Variants in IL1RAPL1 observed in about 807,000 individuals in gnomAD.
IL1RAPL1 encodes interleukin-1 receptor accessory protein-like 1.
Under a neutral mutation model 48.4 loss-of-function variants are expected in IL1RAPL1, and 3 were observed. The ratio of observed to expected loss-of-function variants is 0.06; its 90% CI spans 0.03 to 0.16. The LOEUF (loss-of-function observed/expected upper bound fraction) is 0.16, where lower values mean the gene tolerates loss of function less well. Ranked by LOEUF, IL1RAPL1 falls within the 10% of genes least tolerant of loss-of-function variation. The probability of loss-of-function intolerance (pLI) is 1.00; values close to 1 mark genes in which losing one functional copy is unlikely to be tolerated. For missense variants in IL1RAPL1, 349 were observed against 530.6 expected, an observed-to-expected ratio of 0.66 and a Z score of 3.36; for synonymous variants, 185 against 187.7, an observed-to-expected ratio of 0.99 and a Z score of 0.12.
chrX:29,586,677 A>G (rs922583300), intron 5 of IL1RAPL1, among the ~76,000 whole-genome samples: 1 of 111,062 alleles, frequency 9.0e-6, no homozygotes, highest in Non-Finnish European at 1.9e-5. Flanking sequence ...ATGAACACGG[A>G]TATCTATTTG....
chrX:29,344,010 ATTTATCAGCACACTCTGTATGAAGATAT>A (rs1489378750), intron 3 of IL1RAPL1, among the ~76,000 whole-genome samples: 3 of 112,409 alleles, frequency 2.7e-5, no homozygotes, highest in Non-Finnish European at 5.6e-5. Flanking sequence ...GAAAATTGAC[ATTTATCAGCACACTCTGTATGAAGATAT>A]TTTCAAAGCT....
intron 2 of IL1RAPL1, among the ~76,000 whole-genome samples, chrX:28,968,674 G>A (rs1924980731): frequency 8.9e-6 from 1 of 112,479 alleles, no homozygotes; most frequent in African/African-American, 3.2e-5. Context: ...TAATAAATAT[G>A]GAAGCAATGC....
At chrX:29,026,135 G>T (rs962056818) in intron 2 of IL1RAPL1, among the ~76,000 whole-genome samples, 2 of 111,820 alleles carry the variant, frequency 1.8e-5, no homozygotes, top group African/African-American at 3.3e-5. Context: ...ATCTCATCAG[G>T]ACCTAGTATC....
chrX:29,578,851 A>G lies in IL1RAPL1; in HGVS notation c.704-89579A>G, dbSNP rs774706843. Among the ~76,000 whole-genome samples, 12 of 112,112 alleles carry G rather than the reference A, an allele frequency of 1.1e-4. No individual in the cohort carries two copies. The Middle Eastern group carries it at 0.014, about 131-fold the overall frequency. On this transcript the variant is annotated intron_variant, in intron 5 of 10. Coordinates refer to ENST00000378993, the MANE Select transcript of IL1RAPL1 (RefSeq NM_014271.4). Reference sequence around the variant, plus strand: ...GTAGTAAACTACCTCAGAACAAACAATAATTATTTTGTAGCTTAAAACAAC... The same window carrying G: ...GTAGTAAACTACCTCAGAACAAACAGTAATTATTTTGTAGCTTAAAACAAC...
In IL1RAPL1 at chrX:29,050,578, C is replaced by G. The variant is rs767619330; in HGVS notation, c.83-232360C>G. ...GAAGCAGGAATGATCATTTTACTTA[C>G]CTCATATGGCAATGCTTAGCACAGT... On this transcript the variant is annotated intron_variant, in intron 2 of 10. Coordinates refer to ENST00000378993, the MANE Select transcript of IL1RAPL1 (RefSeq NM_014271.4). Among the ~76,000 whole-genome samples, 91 of 112,401 alleles carry G rather than the reference C, an allele frequency of 8.1e-4. 1 individual carries two copies. The highest frequency in any genetic ancestry group is 3.3e-3 in the South Asian group (9 of 2,716).
chrX:28,909,706 T>C (rs1923309077), intron 2 of IL1RAPL1, among the ~76,000 whole-genome samples: 1 of 111,647 alleles, frequency 9.0e-6, no homozygotes, highest in Non-Finnish European at 1.9e-5. Flanking sequence ...TTATTTAGAA[T>C]TTAAAGAATT....
chrX:28,642,720 T>C (rs1167230810), intron 1 of IL1RAPL1, among the ~76,000 whole-genome samples: 3 of 111,254 alleles, frequency 2.7e-5, no homozygotes, highest in Admixed American at 9.6e-5. Flanking sequence ...AGATCTAAAA[T>C]TGACACCCTA....
At chrX:29,640,799 C>G (rs1925141719) in intron 5 of IL1RAPL1, among the ~76,000 whole-genome samples, 1 of 112,152 alleles carries the variant, frequency 8.9e-6, no homozygotes, top group Non-Finnish European at 1.9e-5. Flanking sequence ...TTCCTTTTCC[C>G]AATAGTGTAC....
chrX:28,818,293 A>G (rs915248858), intron 2 of IL1RAPL1, among the ~76,000 whole-genome samples: 3 of 110,809 alleles, frequency 2.7e-5, no homozygotes, highest in Non-Finnish European at 5.7e-5. Context: ...AGAAGTAGTG[A>G]TTAATATCAT....
intron 1 of IL1RAPL1, among the ~76,000 whole-genome samples, chrX:28,762,786 G>GCACACACACACACA (rs759005946): frequency 2.5e-4 from 16 of 62,961 alleles, no homozygotes; most frequent in African/African-American, 1.0e-3. Context: ...GCACGCGCGC[G>GCACACACACACACA]CACACACACA....
At chrX:28,840,263 A>C (rs186211809) in intron 2 of IL1RAPL1, among the ~76,000 whole-genome samples, 89 of 111,470 alleles carry the variant, frequency 8.0e-4, no homozygotes, top group African/African-American at 2.8e-3. Context: ...ACCGTAGTAC[A>C]TGAACAAAAT....
chrX:29,364,580 AAAAG>A (rs1569295409), intron 3 of IL1RAPL1, among the ~76,000 whole-genome samples: 5 of 108,930 alleles, frequency 4.6e-5, no homozygotes, highest in Non-Finnish European at 7.6e-5. Flanking sequence ...AAAAAAAAAA[AAAAG>A]AAAAAATATT....
chrX:28,922,266 C>T (rs917293661), intron 2 of IL1RAPL1, among the ~76,000 whole-genome samples: 1 of 111,778 alleles, frequency 8.9e-6, no homozygotes, highest in Admixed American at 9.5e-5. Flanking sequence ...GCAAATTGGT[C>T]ATAAGTCTCC....
intron 2 of IL1RAPL1, among the ~76,000 whole-genome samples, chrX:28,819,983 T>G (rs867558716): frequency 0.018 from 1,261 of 69,473 alleles, 39 homozygotes; most frequent in East Asian, 0.06. Context: ...TATATATATA[T>G]ATATATATAT....
intron 6 of IL1RAPL1, among the ~76,000 whole-genome samples, chrX:29,800,682 A>G (rs1170554733): frequency 9.2e-6 from 1 of 108,736 alleles, no homozygotes; most frequent in African/African-American, 3.4e-5. Flanking sequence ...AGATTACATT[A>G]GTCAGAAAAA....
At chrX:28,755,779 C>G (rs1936098733) in intron 1 of IL1RAPL1, among the ~76,000 whole-genome samples, 1 of 111,961 alleles carries the variant, frequency 8.9e-6, no homozygotes, top group Admixed American at 9.5e-5. Context: ...TTCTCCTATT[C>G]TATGTATTCC....
intron 2 of IL1RAPL1, among the ~76,000 whole-genome samples, chrX:28,810,801 G>A (rs1375789965): frequency 9.1e-6 from 1 of 109,527 alleles, no homozygotes; most frequent in East Asian, 2.9e-4. Flanking sequence ...TATTTCTCAT[G>A]CCCACTGTCC....
intron 2 of IL1RAPL1, among the ~76,000 whole-genome samples, chrX:29,145,136 T>A (rs770026666): frequency 3.6e-4 from 40 of 112,074 alleles, no homozygotes; most frequent in African/African-American, 1.2e-3. Context: ...AGCCGGATAA[T>A]TGTGCTTGTC....
At chrX:29,753,910 G>A (rs1245280289) in intron 6 of IL1RAPL1, among the ~76,000 whole-genome samples, 1 of 111,981 alleles carries the variant, frequency 8.9e-6, no homozygotes, top group Non-Finnish European at 1.9e-5. Flanking sequence ...TGCTAATCAT[G>A]TATGGCTTCT....
Sources: allele counts gnomAD v4.1 joint callset (sites outside exome capture counted in the v4.1 genomes callset), GRCh38; gene constraint gnomAD v4.1.1; transcripts MANE v1.5; gene names NCBI Gene and HGNC (gene_info 2026-07-23, HGNC 2026-07-21).